The following MED13L variants were observed in gnomAD, a reference collection of about 807,000 sequenced individuals.
MED13L encodes mediator of RNA polymerase II transcription subunit 13-like.
In MED13L, 7 loss-of-function variants were observed where a neutral mutation model predicts 220.9. That is an observed-to-expected ratio of 0.03 (90% CI 0.02 to 0.06). The LOEUF is 0.06. Among genes scored for constraint, MED13L ranks in the 10% least tolerant of loss-of-function variants. MED13L has a pLI of 1.00. For synonymous variants in MED13L, 1,011 were observed against 1,015.2 expected (o/e 1.00, Z 0.08); for missense variants, 1,965 against 2,760.5 (o/e 0.71, Z 6.46).
intron 1 of MED13L, among the ~76,000 whole-genome samples, chr12:116,268,095 CAGAT>C (rs1872971734): frequency 6.6e-6 from 1 of 152,184 alleles, no homozygotes; most frequent in African/African-American, 2.4e-5. Context: ...CATCACTTAA[CAGAT>C]AGTTAATGAG....
intron 2 of MED13L, among the ~76,000 whole-genome samples, chr12:116,130,053 T>G (rs1474232267): frequency 6.6e-6 from 1 of 152,240 alleles, no homozygotes; most frequent in African/African-American, 2.4e-5. Context: ...AGAGGCTCTA[T>G]AACAGACCCT....
At chr12:116,125,423 C>CA (rs1412835615) in intron 2 of MED13L, among the ~76,000 whole-genome samples, 1 of 152,162 alleles carries the variant, frequency 6.6e-6, no homozygotes, top group Non-Finnish European at 1.5e-5. Context: ...ACCTGTGCTA[C>CA]CACAGCAGGT....
At chr12:116,132,076 C>T (rs991973519) in intron 2 of MED13L, among the ~76,000 whole-genome samples, 1 of 151,966 alleles carries the variant, frequency 6.6e-6, no homozygotes, top group Non-Finnish European at 1.5e-5. Flanking sequence ...GTCAGGAGTT[C>T]GAGATCAGCC....
intron 2 of MED13L, among the ~76,000 whole-genome samples, chr12:116,179,356 C>A (rs1034727034): frequency 5.3e-5 from 8 of 151,914 alleles, no homozygotes; most frequent in African/African-American, 1.5e-4. Context: ...ACGTCTATAA[C>A]CCCAGAACTT....
chr12:116,007,644 A>AC lies in MED13L; in HGVS notation c.2013-9dup, dbSNP rs745375003. 131 of 1,419,258 alleles carry AC rather than the reference A, an allele frequency of 9.2e-5. No individual in the cohort carries two copies. In the African/African-American group the frequency reaches 1.9e-3, roughly 20 times the overall value. The allele number at this position is 1,419,258 out of a possible 1,614,324, so 87.9% of individuals were successfully genotyped here. ...TTAGGTTGTGCTAAGAGTCTAAAAGACAAAAAAAAAAAAAAAAAAAAGAGC... is the reference window on the plus strand; with the variant it reads ...TTAGGTTGTGCTAAGAGTCTAAAAGACCAAAAAAAAAAAAAAAAAAAAGAGC... On this transcript the variant is annotated splice_polypyrimidine_tract_variant and intron_variant, in intron 10 of 30. Transcript: ENST00000281928.
rs200282420 is a variant in MED13L at position 116,077,637 on chromosome 12, C to G, written c.479+19032G>C. Among the ~76,000 whole-genome samples the G allele has an allele frequency of 9.9e-5, 15 of 152,200 alleles. No homozygotes were observed. In the East Asian group the frequency reaches 2.7e-3, roughly 27 times the overall value. ...TGTGTACATATGCACAGACTAATCT[C>G]TGAAAGGATGGAAATGAACTGGTAA... On this transcript the variant is annotated intron_variant, in intron 4 of 30. Coordinates refer to ENST00000281928, the MANE Select transcript of MED13L (RefSeq NM_015335.5).
chr12:115,965,800 C>CA (rs1436846713), intron 29 of MED13L, among the ~76,000 whole-genome samples: 1 of 152,124 alleles, frequency 6.6e-6, no homozygotes, highest in African/African-American at 2.4e-5. Context: ...GAAAGACCAT[C>CA]ACATTGAACC....
intron 27 of MED13L, among the ~76,000 whole-genome samples, chr12:115,970,328 T>C (rs1876494004): frequency 1.3e-5 from 2 of 152,284 alleles, no homozygotes; most frequent in African/African-American, 4.8e-5. Context: ...TACAGAACAG[T>C]GCCACGCAGG....
chr12:116,251,140 A>G (rs576724327), intron 1 of MED13L, among the ~76,000 whole-genome samples: 31 of 151,522 alleles, frequency 2.0e-4, no homozygotes, highest in African/African-American at 7.2e-4. Flanking sequence ...GGTTTAAAAA[A>G]AAAAAAGGCA....
chr12:116,068,880 C>T (rs1357480472), intron 4 of MED13L, among the ~76,000 whole-genome samples: 1 of 152,014 alleles, frequency 6.6e-6, no homozygotes, highest in Non-Finnish European at 1.5e-5. Flanking sequence ...GTGCATGTCC[C>T]TCATTTAAGG....
intron 2 of MED13L, among the ~76,000 whole-genome samples, chr12:116,151,822 T>C (rs1429906595): frequency 1.3e-5 from 2 of 152,196 alleles, no homozygotes; most frequent in African/African-American, 4.8e-5. Flanking sequence ...GAAATACATT[T>C]CCTAAATCTA....
intron 2 of MED13L, among the ~76,000 whole-genome samples, chr12:116,136,587 G>A (rs1198825776): frequency 6.6e-6 from 1 of 152,184 alleles, no homozygotes; most frequent in Non-Finnish European, 1.5e-5. Context: ...ACCATCCACA[G>A]AACAGGCAAG....
rs1039570391 is a variant in MED13L, at chr12:115,987,237, G to A, written c.3986C>T (p.Ser1329Phe). ...GGCATCTTGGAGAAAGGGCTGCAGGGACAACAGCATACGAACCACATCCTG... is the reference window on the plus strand; with the variant it reads ...GGCATCTTGGAGAAAGGGCTGCAGGAACAACAGCATACGAACCACATCCTG... ...SSQDVVRMLL[S>F]LQPFLQDAIQ... The change falls in exon 18 of 31, where the codon TCC becomes TTC. Residue 1329 changes from serine to phenylalanine, a missense_variant. Physicochemically the swap from Ser to Phe is radical, Grantham distance 155. Around this residue, in one of 10 missense-constraint regions of MED13L, gnomAD observed 21 missense variants for 73.9 expected, o/e 0.28. Coordinates refer to ENST00000281928, the MANE Select transcript of MED13L (RefSeq NM_015335.5). 6.2e-7 allele frequency: 1 copy of A among 1,613,788 alleles called. No individual in the cohort carries two copies. Among genetic ancestry groups the A allele is most frequent in the Non-Finnish European group, 8.5e-7 (1 of 1,180,010 alleles).
In MED13L at chr12:115,958,795, A is replaced by C. The variant is rs542654608; in HGVS notation, c.*2471T>G. 6.5e-6 allele frequency: 1 copy of C among 152,750 alleles called. No individual in the cohort carries two copies. The highest frequency in any genetic ancestry group is 1.9e-4 in the East Asian group (1 of 5,182). The allele number at this position is 152,750 out of a possible 1,614,324, so 9.5% of individuals were successfully genotyped here. On this transcript the variant is annotated 3_prime_UTR_variant, in exon 31 of 31. Coordinates refer to ENST00000281928, the MANE Select transcript of MED13L (RefSeq NM_015335.5). ...TTTCAAATTGTTTGCTATATATAAA[A>C]GAAGCTCACTGCAAAATGCTTGAAG... is the stretch of plus-strand genomic sequence containing the variant.
intron 4 of MED13L, among the ~76,000 whole-genome samples, chr12:116,064,697 G>A (rs1049193859): frequency 7.9e-5 from 12 of 152,162 alleles, no homozygotes; most frequent in Non-Finnish European, 1.2e-4. Context: ...ACACAACAAA[G>A]CAACTAAACC....
intron 4 of MED13L, among the ~76,000 whole-genome samples, chr12:116,029,888 T>C (rs540145232): frequency 4.6e-5 from 7 of 152,190 alleles, no homozygotes; most frequent in Admixed American, 4.6e-4. Flanking sequence ...AAAAATTGAA[T>C]ACATAACAAG....
intron 7 of MED13L, 107 bp downstream of exon 7, chr12:116,019,117 C>A: frequency 9.2e-7 from 1 of 1,090,638 alleles, no homozygotes; most frequent in East Asian, 2.6e-5. Flanking sequence ...TCTACTACCT[C>A]CATCTCTTCC....
chr12:116,232,316 A>T (rs563660316), intron 2 of MED13L, among the ~76,000 whole-genome samples: 1 of 152,318 alleles, frequency 6.6e-6, no homozygotes, highest in African/African-American at 2.4e-5. Flanking sequence ...TCCTTAATTT[A>T]TATGTCTAAT....
At chr12:116,080,764 G>A (rs528064888) in intron 4 of MED13L, among the ~76,000 whole-genome samples, 1 of 152,242 alleles carries the variant, frequency 6.6e-6, no homozygotes, top group East Asian at 1.9e-4. Context: ...TGCTCACCAG[G>A]CATATACATC....
Sources: allele counts gnomAD v4.1 joint callset (sites outside exome capture counted in the v4.1 genomes callset), GRCh38; gene constraint gnomAD v4.1.1; regional missense constraint gnomAD v4.1.1; transcripts MANE v1.5; gene names NCBI Gene and HGNC (gene_info 2026-07-23, HGNC 2026-07-21).